MACROD2: variants seen among roughly 807,000 people sequenced by gnomAD.
The protein encoded by MACROD2 is mono-ADP ribosylhydrolase 2, also known as ADP-ribose glycohydrolase MACROD2.
In MACROD2, 36 loss-of-function variants were observed where a neutral mutation model predicts 70.4. The ratio of observed to expected loss-of-function variants is 0.51; its 90% CI spans 0.39 to 0.68. The LOEUF is 0.68. MACROD2 is among the 30% of genes least tolerant of loss of function. The pLI, the probability that MACROD2 is intolerant of heterozygous loss-of-function variation, is 0.00. For synonymous variants in MACROD2, 172 were observed against 178.8 expected, an observed-to-expected ratio of 0.96 and a Z score of 0.30; for missense variants, 496 against 538.4, an observed-to-expected ratio of 0.92 and a Z score of 0.78.
chr20:15,378,527 A>T lies in MACROD2; in HGVS notation c.541-52878A>T, dbSNP rs533264715. On this transcript the variant is annotated intron_variant, in intron 6 of 17. Transcript: ENST00000684519. ...GTATCTTGCATTTATATGTTATGTT[A>T]TGCATTTATTTGTGCTCCAATAAAG... Among the ~76,000 whole-genome samples, 12 of 152,292 alleles carry T rather than the reference A, an allele frequency of 7.9e-5. No individual in the cohort carries two copies. The South Asian group carries it at 2.5e-3, about 32-fold the overall frequency.
chr20:14,158,910 A>G (rs1005689180), intron 3 of MACROD2, among the ~76,000 whole-genome samples: 10 of 152,050 alleles, frequency 6.6e-5, no homozygotes, highest in African/African-American at 2.2e-4. Flanking sequence ...TTGGTTCTAT[A>G]CAAATTTTAG....
In MACROD2 at chr20:15,372,951, T is replaced by C. The variant is rs2045513059; in HGVS notation, c.541-58454T>C. On this transcript the variant is annotated intron_variant, in intron 6 of 17. Coordinates refer to ENST00000684519, the MANE Select transcript of MACROD2 (RefSeq NM_001351661.2). ...CCTATAGTCCCAATTGCTTGGGAGG[T>C]TGGGGCAGAAGGATTGCTTGAGACC... is the stretch of plus-strand genomic sequence containing the variant. 2.0e-5 allele frequency among the ~76,000 whole-genome samples: 3 copies of C among 151,900 alleles called. No individual in the cohort carries two copies. The South Asian group carries it at 6.2e-4, about 32-fold the overall frequency.
intron 3 of MACROD2, among the ~76,000 whole-genome samples, chr20:14,191,203 TC>T (rs2081385386): frequency 6.6e-6 from 1 of 152,146 alleles, no homozygotes; most frequent in Non-Finnish European, 1.5e-5. Context: ...TATTTTTTAC[TC>T]CTGTTGCCCT....
intron 6 of MACROD2, among the ~76,000 whole-genome samples, chr20:15,372,847 T>C (rs2045511738): frequency 6.6e-6 from 1 of 151,820 alleles, no homozygotes; most frequent in South Asian, 2.1e-4. Context: ...AGGCCAGGAG[T>C]CAGAGAACAG....
intron 6 of MACROD2, among the ~76,000 whole-genome samples, chr20:15,387,919 A>AT (rs1158877136): frequency 3.0e-5 from 4 of 131,470 alleles, no homozygotes; most frequent in African/African-American, 5.8e-5. Context: ...ACTTGTATTT[A>AT]TTTATTTTTT....
chr20:14,283,381 A>AT (rs1342140191), intron 3 of MACROD2, among the ~76,000 whole-genome samples: 2 of 152,028 alleles, frequency 1.3e-5, no homozygotes, highest in South Asian at 2.1e-4. Context: ...CTTAAGAACA[A>AT]TTTTTTTCAA....
chr20:15,326,079 CA>C (rs2077925792), intron 6 of MACROD2, among the ~76,000 whole-genome samples: 2 of 152,024 alleles, frequency 1.3e-5, no homozygotes, highest in South Asian at 4.1e-4. Flanking sequence ...ATGAGGTAGG[CA>C]ATCAGGACTG....
intron 3 of MACROD2, among the ~76,000 whole-genome samples, chr20:14,227,195 G>A (rs1343521200): frequency 3.3e-5 from 5 of 152,084 alleles, no homozygotes; most frequent in African/African-American, 9.7e-5. Context: ...ACCAATCAGC[G>A]CCCTGTGGAA....
chr20:14,516,071 A>G (rs1009568997), intron 4 of MACROD2, among the ~76,000 whole-genome samples: 11 of 148,076 alleles, frequency 7.4e-5, no homozygotes, highest in African/African-American at 2.7e-4. Context: ...ATTATCTCTC[A>G]AATAAATAAA....
At chr20:15,418,959 G>A (rs2046192105) in intron 6 of MACROD2, among the ~76,000 whole-genome samples, 1 of 152,162 alleles carries the variant, frequency 6.6e-6, no homozygotes, top group Non-Finnish European at 1.5e-5. Context: ...TAACCCTGCA[G>A]GTTTATTTTG....
At chr20:15,987,568 C>T (rs921761128) in intron 15 of MACROD2, among the ~76,000 whole-genome samples, 1 of 151,982 alleles carries the variant, frequency 6.6e-6, no homozygotes, top group Non-Finnish European at 1.5e-5. Context: ...ATGAAAGAAA[C>T]AATTTATGTA....
chr20:14,631,498 C>T (rs943516237), intron 4 of MACROD2, among the ~76,000 whole-genome samples: 4 of 152,132 alleles, frequency 2.6e-5, no homozygotes, highest in African/African-American at 7.2e-5. Flanking sequence ...GGGCCGGGCA[C>T]GGTGGCTTAC....
chr20:14,311,911 A>T (rs2082570988), intron 3 of MACROD2, among the ~76,000 whole-genome samples: 1 of 152,114 alleles, frequency 6.6e-6, no homozygotes, highest in Admixed American at 6.6e-5. Context: ...TTTCTTTTCC[A>T]ATTAACCTTT....
At chr20:14,870,766 T>C (rs1300230195) in intron 5 of MACROD2, among the ~76,000 whole-genome samples, 1 of 152,152 alleles carries the variant, frequency 6.6e-6, no homozygotes, top group Non-Finnish European at 1.5e-5. Flanking sequence ...TGTCTGTTCA[T>C]GTCCTTGCCC....
At position 15,000,578 on chromosome 20, in the gene MACROD2, G is replaced by A. The variant is rs1197755333; in HGVS notation, c.419-229362G>A. Among the ~76,000 whole-genome samples the A allele has an allele frequency of 3.4e-5, 4 of 116,816 alleles. 1 individual carries two copies. Among genetic ancestry groups the A allele is most frequent in the Non-Finnish European group, 6.4e-5 (4 of 62,188 alleles). 76.6% of individuals were successfully genotyped at this position (116,816 alleles called of 152,430 possible). On this transcript the variant is annotated intron_variant, in intron 5 of 17. Transcript: ENST00000684519. ...GCGGAGCTTGCAGTGAGCCGAGATT[G>A]CGCCACTGCAGTCCGCAGTCCGGCC...
At chr20:15,018,966 G>T (rs2075142986) in intron 5 of MACROD2, among the ~76,000 whole-genome samples, 1 of 152,178 alleles carries the variant, frequency 6.6e-6, no homozygotes, top group Non-Finnish European at 1.5e-5. Context: ...AGATGCTGGT[G>T]TCATGCTTGT....
chr20:14,450,932 TAAG>T (rs2084238355), intron 3 of MACROD2, among the ~76,000 whole-genome samples: 3 of 152,058 alleles, frequency 2.0e-5, no homozygotes. Context: ...GCCAGACAAT[TAAG>T]AAACTCATAT....
intron 5 of MACROD2, among the ~76,000 whole-genome samples, chr20:14,918,920 T>G (rs1414286563): frequency 1.3e-5 from 2 of 152,178 alleles, no homozygotes; most frequent in African/African-American, 4.8e-5. Flanking sequence ...TCTATTTTAC[T>G]TTTATTTCAT....
At chr20:15,286,065 T>A (rs1187351981) in intron 6 of MACROD2, among the ~76,000 whole-genome samples, 7 of 151,708 alleles carry the variant, frequency 4.6e-5, no homozygotes, top group Non-Finnish European at 1.0e-4. Flanking sequence ...GAAAAAAAAA[T>A]GTAAAATTCA....
Sources: gnomAD v4.1 joint callset for allele counts (sites outside exome capture counted in the v4.1 genomes callset) on GRCh38, gnomAD v4.1.1 for gene constraint, MANE v1.5 for transcripts, NCBI Gene and HGNC (gene_info 2026-07-23, HGNC 2026-07-21) for gene names.